The following ADGRE3 variants were observed in gnomAD, a reference collection of about 807,000 sequenced individuals.
The protein encoded by ADGRE3 is adhesion G protein-coupled receptor E3.
In ADGRE3, 88 loss-of-function variants were observed where a neutral mutation model predicts 80.1. The observed-to-expected ratio is 1.10, with a 90% confidence interval of 0.93 to 1.31. ADGRE3 has a LOEUF of 1.31. Ranked by LOEUF, ADGRE3 falls within the 40% of genes most tolerant of loss-of-function variation. The pLI, the probability that ADGRE3 is intolerant of heterozygous loss-of-function variation, is 0.00. For synonymous variants in ADGRE3, 281 were observed against 294.8 expected (o/e 0.95, Z 0.48); for missense variants, 715 against 776.5 (o/e 0.92, Z 0.94).
chr19:14,641,700 C>A, intron 9 of ADGRE3, 84 bp from the exon 10 acceptor site: 5 of 1,530,322 alleles, frequency 3.3e-6, no homozygotes, highest in Non-Finnish European at 3.6e-6. Context: ...ATCCTAGACA[C>A]AGGCACCAAG....
At chr19:14,656,567 T>C (rs1971772123) in intron 5 of ADGRE3, among the ~76,000 whole-genome samples, 1 of 152,048 alleles carries the variant, frequency 6.6e-6, no homozygotes, top group African/African-American at 2.4e-5. Context: ...TACTTACTGC[T>C]CGGGGAAGGC....
the ADGRE3 span, among the ~76,000 whole-genome samples, chr19:14,601,980 G>C: frequency 6.6e-6 from 1 of 151,676 alleles, no homozygotes; most frequent in African/African-American, 2.4e-5. Flanking sequence ...TTTTAGTAGA[G>C]ACGGGGTTTC....
At chr19:14,633,395 C>T in intron 11 of ADGRE3, 93 bp from the exon 12 acceptor site, 3 of 1,000,914 alleles carry the variant, frequency 3.0e-6, no homozygotes, top group Non-Finnish European at 2.9e-6. Context: ...AGAATTGTTT[C>T]CAGTTTCTCT....
chr19:14,626,344 G>A (rs763175931), intron 14 of ADGRE3, among the ~76,000 whole-genome samples: 3 of 152,210 alleles, frequency 2.0e-5, no homozygotes, highest in Non-Finnish European at 4.4e-5. Flanking sequence ...GGCTGAGGTA[G>A]GAGAATTGCT....
In ADGRE3 at chr19:14,666,179, A is replaced by G. The variant is rs188911080; in HGVS notation, c.76+2623T>C. On this transcript the variant is annotated intron_variant, in intron 2 of 15. Coordinates refer to ENST00000253673, the MANE Select transcript of ADGRE3 (RefSeq NM_032571.5). Reference sequence around the variant, plus strand: ...TTTAGTTCTTTAAGGAATTTCCACAATGTTTTCCACAGTGGTTGTACTAGT... The same window carrying G: ...TTTAGTTCTTTAAGGAATTTCCACAGTGTTTTCCACAGTGGTTGTACTAGT... Among the ~76,000 whole-genome samples, 6 of 151,446 alleles carry G rather than the reference A, an allele frequency of 4.0e-5. No homozygotes were observed. In the East Asian group the frequency reaches 9.7e-4, roughly 25 times the overall value.
intron 6 of ADGRE3, 31 bp downstream of exon 6, chr19:14,654,951 C>T (rs769852959): frequency 1.3e-5 from 21 of 1,587,440 alleles, no homozygotes; most frequent in Non-Finnish European, 1.6e-5. Flanking sequence ...AACCAGTCCC[C>T]AGGGTGTATC....
At chr19:14,671,299 C>T (rs567888488) in intron 1 of ADGRE3, among the ~76,000 whole-genome samples, 1 of 152,206 alleles carries the variant, frequency 6.6e-6, no homozygotes, top group South Asian at 2.1e-4. Flanking sequence ...GTTAGTAGGG[C>T]TGGTTTCTTT....
At chr19:14,671,412 G>A (rs750097327) in intron 1 of ADGRE3, among the ~76,000 whole-genome samples, 7 of 152,162 alleles carry the variant, frequency 4.6e-5, no homozygotes, top group Middle Eastern at 3.4e-3. Context: ...AAATCCAGCA[G>A]CACAGCATCT....
chr19:14,628,992 G>A (rs958596523), intron 14 of ADGRE3, among the ~76,000 whole-genome samples: 17 of 151,840 alleles, frequency 1.1e-4, no homozygotes, highest in African/African-American at 4.1e-4. Flanking sequence ...GTGCGATCTC[G>A]GCTCACTGCA....
the ADGRE3 span, among the ~76,000 whole-genome samples, chr19:14,603,985 T>A: frequency 6.6e-6 from 1 of 152,210 alleles, no homozygotes; most frequent in Non-Finnish European, 1.5e-5. Context: ...CCATCTAGGC[T>A]GCCCCTGAGG....
chr19:14,670,228 C>T (rs1012407975), intron 1 of ADGRE3, among the ~76,000 whole-genome samples: 1 of 152,074 alleles, frequency 6.6e-6, no homozygotes, highest in East Asian at 1.9e-4. Context: ...GTCCCTTCAC[C>T]TGTTGTCTCA....
intron 2 of ADGRE3, among the ~76,000 whole-genome samples, chr19:14,666,501 C>T (rs190179426): frequency 2.0e-5 from 3 of 152,082 alleles, no homozygotes; most frequent in African/African-American, 7.2e-5. Flanking sequence ...CTCAGCCTCC[C>T]GAGTAGCTAG....
chr19:14,625,339 C>A lies in ADGRE3; in HGVS notation c.1920+153G>T, dbSNP rs373932982. 2.4e-4 allele frequency among the ~76,000 whole-genome samples: 37 copies of A among 152,202 alleles called. No homozygotes were observed. In the South Asian group the frequency reaches 5.8e-3, roughly 24 times the overall value. On this transcript the variant is annotated intron_variant, in intron 15 of 15. Coordinates refer to ENST00000253673, the MANE Select transcript of ADGRE3 (RefSeq NM_032571.5). ...AGGTGCAGCAAACCACCATGGCACA[C>A]GTTTACCTATGTAACAAACCTGCAC...
rs372937275 is a variant in ADGRE3, at chr19:14,673,437, G to A, written c.25+1309C>T. Among the ~76,000 whole-genome samples, 159 of 152,340 alleles carry A rather than the reference G, an allele frequency of 1.0e-3. 3 individuals carry two copies. The highest frequency in any genetic ancestry group is 3.7e-3 in the African/African-American group (152 of 41,578). On this transcript the variant is annotated intron_variant, in intron 1 of 15. Coordinates refer to ENST00000253673, the MANE Select transcript of ADGRE3 (RefSeq NM_032571.5). ...ATGGATGGGATTTCATCCGTACAGA[G>A]ATGGTGGTTGAAGCCATGGAATTAG...
chr19:14,663,700 G>A (rs1275430614), intron 2 of ADGRE3, among the ~76,000 whole-genome samples, 160 bp from the exon 3 acceptor site: 10 of 152,042 alleles, frequency 6.6e-5, no homozygotes, highest in Non-Finnish European at 1.2e-4. Context: ...ATAGCCAGGC[G>A]TGGTGGTGCA....
intron 1 of ADGRE3, among the ~76,000 whole-genome samples, chr19:14,674,039 A>G (rs1972323105): frequency 6.6e-6 from 1 of 152,190 alleles, no homozygotes; most frequent in Non-Finnish European, 1.5e-5. Context: ...AAAATTAATA[A>G]TAAAATTATC....
rs578029640 is a variant in ADGRE3, at chr19:14,673,937, G to T, written c.25+809C>A. ...CTATCATTCTACTCTCTATGTCCAT[G>T]TGTCCACATTATTTAGCTCCCACTG... On this transcript the variant is annotated intron_variant, in intron 1 of 15. Transcript: ENST00000253673. Among the ~76,000 whole-genome samples the T allele has an allele frequency of 2.0e-5, 3 of 152,202 alleles. No homozygotes were observed. The East Asian group carries it at 5.8e-4, about 29-fold the overall frequency.
chr19:14,633,261 A>T lies in ADGRE3; in HGVS notation c.1526T>A (p.Leu509His), dbSNP rs779350546. Residue 509 changes from leucine to histidine, a missense_variant, in exon 12 of 16, where the codon CTT becomes CAT. By Grantham distance (99) the Leu-to-His change is moderately conservative (BLOSUM62 -3). Transcript: ENST00000253673. Reference sequence around the variant, plus strand: ...AGAGAAAATGGCACAGACTGGGCCAAGGAAACTCCACATGAATCCCTGGTC... The same window carrying T: ...AGAGAAAATGGCACAGACTGGGCCATGGAAACTCCACATGAATCCCTGGTC... Reference protein sequence around the residue: ...HLDQGFMWSFLGPVCAIFSAN... With the variant: ...HLDQGFMWSFHGPVCAIFSAN... The T allele has an allele frequency of 6.2e-7, 1 of 1,613,022 alleles. No individual in the cohort carries two copies. The highest frequency in any genetic ancestry group is 1.1e-5 in the South Asian group (1 of 90,906).
downstream of ADGRE3, among the ~76,000 whole-genome samples, chr19:14,616,890 G>A (rs1356854451): frequency 1.3e-5 from 2 of 151,122 alleles, no homozygotes; most frequent in East Asian, 3.9e-4. Flanking sequence ...CATCTCCCGG[G>A]TTCAAGTGAT....
Sources: allele counts gnomAD v4.1 joint callset (sites outside exome capture counted in the v4.1 genomes callset), GRCh38; gene constraint gnomAD v4.1.1; transcripts MANE v1.5; gene names NCBI Gene and HGNC (gene_info 2026-07-23, HGNC 2026-07-21).